The following B3GALNT2 variants were observed in gnomAD, a reference collection of about 807,000 sequenced individuals.
B3GALNT2 encodes the protein UDP-GalNAc:beta-1,3-N-acetylgalactosaminyltransferase 2.
Under a neutral mutation model 61.1 loss-of-function variants are expected in B3GALNT2, and 53 were observed. The observed-to-expected ratio is 0.87, with a 90% CI of 0.70 to 1.09. The LOEUF (loss-of-function observed/expected upper bound fraction) is 1.09. Among genes scored for constraint, B3GALNT2 ranks in the 50% least tolerant of loss-of-function variants. The probability of loss-of-function intolerance (pLI) is 0.00; values close to 1 mark genes in which losing one functional copy is unlikely to be tolerated. For missense variants in B3GALNT2, 544 were observed against 623.0 expected (o/e 0.87, Z 1.35); for synonymous variants, 223 against 237.4 (o/e 0.94, Z 0.56).
rs978846845 is a variant in B3GALNT2, at chr1:235,455,667, C to A, written c.1043G>T (p.Ser348Ile). 3 of 1,608,790 alleles carry A rather than the reference C, an allele frequency of 1.9e-6. No homozygotes were observed. The highest frequency in any genetic ancestry group is 3.3e-5 in the Admixed American group (2 of 59,998). ...ATCTGTCTTCAGCAACAAATTGAAGCTCGTTGTTTCCACAGTCCTGTTGAC... is the reference window on the plus strand; with the variant it reads ...ATCTGTCTTCAGCAACAAATTGAAGATCGTTGTTTCCACAGTCCTGTTGAC... ...NFYRWTVETT[S>I]FNLLLKTDDD... The change falls in exon 9 of 12, where the codon AGC becomes ATC. Residue 348 changes from serine to isoleucine, a missense_variant. Physicochemically the swap from Ser to Ile is moderately radical, Grantham distance 142. Coordinates refer to ENST00000366600, the MANE Select transcript of B3GALNT2 (RefSeq NM_152490.5).
intron 6 of B3GALNT2, among the ~76,000 whole-genome samples, chr1:235,466,529 A>G (rs759211399): frequency 6.6e-6 from 1 of 151,270 alleles, no homozygotes; most frequent in Non-Finnish European, 1.5e-5. Flanking sequence ...ATATTTATAA[A>G]TTTTTTGTAG....
At chr1:235,484,205 GTC>G in intron 4 of B3GALNT2, 115 bp downstream of exon 4, 1 of 1,373,560 alleles carries the variant, frequency 7.3e-7, no homozygotes, top group South Asian at 1.8e-5. Flanking sequence ...AAAGGTGAAA[GTC>G]TCTCAACCAG....
intron 1 of B3GALNT2, among the ~76,000 whole-genome samples, chr1:235,502,940 C>T (rs1391630300): frequency 3.3e-5 from 5 of 152,358 alleles, no homozygotes; most frequent in Admixed American, 6.5e-5. Context: ...TGGTTAAGTG[C>T]ATAGCAACAC....
At chr1:235,443,109 C>T (rs979836855), downstream of B3GALNT2, 2 of 607,478 alleles carry the variant, frequency 3.3e-6, no homozygotes, top group African/African-American at 3.7e-5. Context: ...TCAGGTCTCC[C>T]CTAACTTTAT....
At position 235,453,127 on chromosome 1, in the gene B3GALNT2, C is replaced by T. The variant is rs1488460185; in HGVS notation, c.1331G>A (p.Gly444Asp). 6.2e-7 allele frequency: 1 copy of T among 1,612,856 alleles called. No homozygotes were observed. Among genetic ancestry groups the T allele is most frequent in the Non-Finnish European group, 8.5e-7 (1 of 1,178,868 alleles). ...AGGTCCTATGGCAGCCATCCAGATG[C>T]CCATGCTTACATCTTCACCCTATAC... ...KTYQGEDVSMGIWMAAIGPKR... is the reference protein window; with the variant it reads ...KTYQGEDVSMDIWMAAIGPKR... The change falls in exon 11 of 12, where the codon GGC becomes GAC. Residue 444 changes from glycine (G) to aspartate (D), a missense_variant. Gly to Asp is a moderately conservative substitution (Grantham distance 94, BLOSUM62 -1). Transcript: ENST00000366600.
chr1:235,472,032 C>T (rs1684033318), intron 5 of B3GALNT2, among the ~76,000 whole-genome samples: 1 of 151,594 alleles, frequency 6.6e-6, no homozygotes, highest in East Asian at 1.9e-4. Context: ...TTATGAATTG[C>T]ATGTTCTCTT....
At chr1:235,457,452 T>C (rs970382349) in intron 8 of B3GALNT2, among the ~76,000 whole-genome samples, 11 of 152,300 alleles carry the variant, frequency 7.2e-5, no homozygotes, top group South Asian at 2.1e-4. Context: ...AATTTTGAGA[T>C]CCTAGAGTAA....
chr1:235,481,454 C>T (rs189019277), intron 4 of B3GALNT2, among the ~76,000 whole-genome samples: 2 of 152,262 alleles, frequency 1.3e-5, no homozygotes, highest in African/African-American at 4.8e-5. Context: ...AGTGATCCTC[C>T]CACCTCAACC....
chr1:235,494,176 T>A (rs1017750816), intron 2 of B3GALNT2, among the ~76,000 whole-genome samples: 6 of 152,176 alleles, frequency 3.9e-5, no homozygotes, highest in African/African-American at 1.2e-4. Flanking sequence ...TATTTAGACA[T>A]GCACATGTGT....
chr1:235,488,042 G>A (rs1030136119), intron 3 of B3GALNT2, among the ~76,000 whole-genome samples: 16 of 152,104 alleles, frequency 1.1e-4, no homozygotes, highest in African/African-American at 3.9e-4. Flanking sequence ...CAAAGTGCTG[G>A]AGCAGCTTTC....
Position 235,494,713 on chromosome 1 carries a change from T to C in B3GALNT2, c.228A>G (p.Arg76=). 6.2e-7 allele frequency: 1 copy of C among 1,613,268 alleles called. No homozygotes were observed. Among genetic ancestry groups the C allele is most frequent in the South Asian group, 1.1e-5 (1 of 91,016 alleles). Residue 76 remains arginine, a synonymous_variant, in exon 2 of 12, where the codon AGA becomes AGG. Transcript: ENST00000366600. ...LRNVIRSTWM[R]HLLQHPTLSQ... is the part of the protein sequence containing the mutation. ...TTAATGTGGGATGCTGTAGCAAATG[T>C]CTCATCCAGGTGCTTCTTATCACGT...
In B3GALNT2 at chr1:235,448,755, G is replaced by A. The variant is rs140662460; in HGVS notation, c.*1451C>T. On this transcript the variant is annotated 3_prime_UTR_variant, in exon 12 of 12. Coordinates refer to ENST00000366600, the MANE Select transcript of B3GALNT2 (RefSeq NM_152490.5). ...GAAAATGGAGATTGTCTATTAGTGC[G>A]ATGGTGACAACCAACTAATAAAATT... 2,425 of 1,610,840 alleles carry A rather than the reference G, an allele frequency of 1.5e-3. 4 individuals carry two copies. Among genetic ancestry groups the A allele is most frequent in the Admixed American group, 2.7e-3 (163 of 60,000 alleles).
chr1:235,484,358 C>A lies in B3GALNT2; in HGVS notation c.519G>T (p.Arg173Ser). 6.2e-7 allele frequency: 1 copy of A among 1,614,136 alleles called. No homozygotes were observed. Among genetic ancestry groups the A allele is most frequent in the Non-Finnish European group, 8.5e-7 (1 of 1,179,994 alleles). The change falls in exon 4 of 12, where the codon AGG becomes AGT. Residue 173 changes from arginine to serine, a missense_variant. Physicochemically the swap from Arg to Ser is moderately radical, Grantham distance 110. Coordinates refer to ENST00000366600, the MANE Select transcript of B3GALNT2 (RefSeq NM_152490.5). ...CCTGATAAAGTTTGACAGTGATGTT[C>A]CTCTGGAAACCCACATCATTGGCAT... ...FYDANDVGFQRNITVKLYQAE... is the reference protein window; with the variant it reads ...FYDANDVGFQSNITVKLYQAE...
intron 4 of B3GALNT2, 45 bp from the exon 5 acceptor site, chr1:235,480,194 A>C (rs1684494467): frequency 6.2e-7 from 1 of 1,606,850 alleles, no homozygotes; most frequent in South Asian, 1.1e-5. Context: ...TTCATGTTAT[A>C]CATTGCATAT....
chr1:235,462,360 G>C (rs1040071937), intron 7 of B3GALNT2, among the ~76,000 whole-genome samples: 23 of 152,152 alleles, frequency 1.5e-4, no homozygotes, highest in African/African-American at 4.3e-4. Flanking sequence ...CAACATACAT[G>C]TTCTAGCCAG....
intron 1 of B3GALNT2, among the ~76,000 whole-genome samples, chr1:235,503,749 G>T (rs546434196): frequency 6.9e-6 from 1 of 144,308 alleles, no homozygotes; most frequent in South Asian, 2.4e-4. Context: ...ACTTGGGGGG[G>T]AAGAAAACAA....
chr1:235,470,739 A>G (rs1683954372), intron 6 of B3GALNT2, 111 bp downstream of exon 6: 2 of 1,448,776 alleles, frequency 1.4e-6, no homozygotes, highest in South Asian at 1.5e-5. Flanking sequence ...TGTAAAACAC[A>G]CAAGAATCAT....
At chr1:235,462,414 A>C (rs1683479346) in intron 7 of B3GALNT2, among the ~76,000 whole-genome samples, 1 of 152,226 alleles carries the variant, frequency 6.6e-6, no homozygotes, top group African/African-American at 2.4e-5. Flanking sequence ...AAAAGGAAGA[A>C]GCAAAACTCT....
At chr1:235,495,009 T>C (rs1047441013) in intron 1 of B3GALNT2, among the ~76,000 whole-genome samples, 181 bp from the exon 2 acceptor site, 4 of 152,204 alleles carry the variant, frequency 2.6e-5, no homozygotes, top group Non-Finnish European at 4.4e-5. Flanking sequence ...AATAACATTT[T>C]GGTTTAGAGT....
Sources: allele counts gnomAD v4.1 joint callset (sites outside exome capture counted in the v4.1 genomes callset), GRCh38; gene constraint gnomAD v4.1.1; transcripts MANE v1.5; gene names NCBI Gene and HGNC (gene_info 2026-07-23, HGNC 2026-07-21).